Variants in MBD1 observed in about 807,000 individuals in gnomAD.
The protein encoded by MBD1 is methyl-CpG-binding domain protein 1.
A neutral mutation model predicts 82.6 loss-of-function variants in MBD1; 25 were observed. The observed-to-expected ratio is 0.30, with a 90% CI of 0.22 to 0.42. The LOEUF (loss-of-function observed/expected upper bound fraction) is 0.42. MBD1 is among the 10% of genes least tolerant of loss of function. The pLI, the probability that MBD1 is intolerant of heterozygous loss-of-function variation, is 1.00. For missense variants in MBD1, 627 were observed against 819.6 expected, an observed-to-expected ratio of 0.76 and a Z score of 2.87; for synonymous variants, 301 against 303.7, an observed-to-expected ratio of 0.99 and a Z score of 0.09.
At chr18:50,274,867 A>C in intron 10 of MBD1, 110 bp downstream of exon 10, 1 of 1,122,678 alleles carries the variant, frequency 8.9e-7, no homozygotes, top group Non-Finnish European at 1.3e-6. Flanking sequence ...CCTAGGACCC[A>C]TTATTGTGCC....
chr18:50,269,354 C>T lies in MBD1; in HGVS notation c.*497G>A. ...TTTGTAATGTGTCACCTTGGTGAGG[C>T]TATGTTTCCCGGAACTCTCTTCCAG... On this transcript the variant is annotated 3_prime_UTR_variant, in exon 17 of 17. Coordinates refer to ENST00000269468, the MANE Select transcript of MBD1 (RefSeq NM_015846.4). The T allele has an allele frequency of 7.5e-7, 1 of 1,325,958 alleles. No homozygotes were observed. The highest frequency in any genetic ancestry group is 9.8e-7 in the Non-Finnish European group (1 of 1,025,326). The allele number at this position is 1,325,958 out of a possible 1,614,324, so 82.1% of individuals were successfully genotyped here.
At chr18:50,270,613 G>A (rs542327560) in intron 16 of MBD1, 1 of 333,160 alleles carries the variant, frequency 3.0e-6, no homozygotes, top group Admixed American at 3.8e-5. Flanking sequence ...AGCAGCCAGT[G>A]GGGAGATATA....
chr18:50,281,622 C>G, upstream of MBD1: 1 of 443,232 alleles, frequency 2.3e-6, no homozygotes, highest in South Asian at 5.9e-5. Flanking sequence ...GGGAGGCTCC[C>G]GCGCCTACGG....
chr18:50,281,487 G>A lies in MBD1; in HGVS notation c.-150C>T, dbSNP rs1599629492. ...CTCCTCCGCGGCCGCCTCCTCTGAA[G>A]CGGTAGCTGTCGCCTCCGCGGCTGT... is the stretch of plus-strand genomic sequence containing the variant. On this transcript the variant is annotated 5_prime_UTR_variant, in exon 1 of 17. Transcript: ENST00000269468. The A allele has an allele frequency of 6.8e-6, 4 of 585,284 alleles. No individual in the cohort carries two copies. The highest frequency in any genetic ancestry group is 1.9e-5 in the African/African-American group (1 of 53,436). 36.3% of individuals were successfully genotyped at this position (585,284 alleles called of 1,614,324 possible).
At chr18:50,267,776 A>G (rs1487528489), downstream of MBD1, 8 of 719,394 alleles carry the variant, frequency 1.1e-5, no homozygotes, top group Admixed American at 6.1e-5. Flanking sequence ...CTGACATATA[A>G]TAAGTACAAC....
At chr18:50,277,716 C>T (rs1448548375) in intron 2 of MBD1, among the ~76,000 whole-genome samples, 1 of 152,040 alleles carries the variant, frequency 6.6e-6, no homozygotes, top group Non-Finnish European at 1.5e-5. Context: ...CAACGATTGT[C>T]CTTTTTGATA....
Position 50,277,277 on chromosome 18 carries a change from G to A in MBD1, c.111-73C>T, listed in dbSNP as rs73434055. On this transcript the variant is annotated intron_variant, in intron 2 of 16. Transcript: ENST00000269468. ...TTTCACTCATACAACCTTTTGACAG[G>A]GCTGGCAGGATATAGGAGGCAGCCT... is the stretch of plus-strand genomic sequence containing the variant. 1.8e-3 allele frequency: 2,186 copies of A among 1,244,266 alleles called. 32 individuals carry two copies. In the African/African-American group the frequency reaches 0.029, roughly 17 times the overall value. 77.1% of individuals were successfully genotyped at this position (1,244,266 alleles called of 1,614,324 possible).
chr18:50,276,002 G>A (rs1296872163), intron 6 of MBD1, 21 bp from the exon 7 acceptor site: 8 of 1,606,894 alleles, frequency 5.0e-6, no homozygotes, highest in Middle Eastern at 4.2e-4. Flanking sequence ...TGGTAGGGAC[G>A]AGATCACGGG....
chr18:50,269,978 C>A, intron 16 of MBD1, 160 bp from the exon 17 acceptor site: 1 of 1,579,688 alleles, frequency 6.3e-7, no homozygotes, highest in Non-Finnish European at 8.6e-7. Flanking sequence ...TGTACCCTAA[C>A]ATAAATGGTC....
chr18:50,274,796 A>C (rs538519609), intron 10 of MBD1, among the ~76,000 whole-genome samples, 181 bp downstream of exon 10: 1 of 152,220 alleles, frequency 6.6e-6, no homozygotes, highest in Non-Finnish European at 1.5e-5. Context: ...TATATGTGAC[A>C]TGAAGCACTC....
At chr18:50,274,658 A>G (rs2037017792) in intron 10 of MBD1, among the ~76,000 whole-genome samples, 1 of 152,140 alleles carries the variant, frequency 6.6e-6, no homozygotes, top group South Asian at 2.1e-4. Context: ...CCCCATTTCC[A>G]GCAACATTTT....
At chr18:50,280,134 C>T (rs1287759744) in intron 1 of MBD1, 117 bp from the exon 2 acceptor site, 1 of 899,600 alleles carries the variant, frequency 1.1e-6, no homozygotes, top group African/African-American at 1.7e-5. Context: ...TAGGACCTGC[C>T]ACAGGCAACC....
Position 50,277,003 on chromosome 18 carries a change from AAAGT to A in MBD1, c.226-9_226-6del. On this transcript the variant is annotated splice_polypyrimidine_tract_variant and splice_region_variant and intron_variant, in intron 3 of 16. Transcript: ENST00000269468. Reference sequence around the variant, plus strand: ...GGCAACCGCCACGGGATGGGCCTGGAAAGTAAGGGAAGGAGGAATATGGGTCAGT... The same window carrying A: ...GGCAACCGCCACGGGATGGGCCTGGAAAGGGAAGGAGGAATATGGGTCAGT... 6.2e-7 allele frequency: 1 copy of A among 1,614,176 alleles called. No homozygotes were observed. Among genetic ancestry groups the A allele is most frequent in the Non-Finnish European group, 8.5e-7 (1 of 1,180,032 alleles).
rs1200895687 is a variant in MBD1 at position 50,273,768 on chromosome 18, C to A, written c.1242G>T (p.Arg414=). ...GCTTCAAGGTAGGGCCAAGATGGTG[C>A]CGTCGGGCAGAGCTGGGCCTCTTTC... The part of the protein sequence containing the change: ...RRRKRPSSAR[R]HHLGPTLKPT... The change falls in exon 12 of 17, where the codon CGG becomes CGT. Residue 414 remains arginine, a synonymous_variant. Transcript: ENST00000269468. 1 of 1,614,092 alleles carries A rather than the reference C, an allele frequency of 6.2e-7. No individual in the cohort carries two copies. The highest frequency in any genetic ancestry group is 8.5e-7 in the Non-Finnish European group (1 of 1,180,030).
At chr18:50,272,137 G>T (rs996992489) in intron 15 of MBD1, among the ~76,000 whole-genome samples, 4 of 152,128 alleles carry the variant, frequency 2.6e-5, no homozygotes, top group African/African-American at 9.7e-5. Context: ...GCTCCAGGAA[G>T]TGCAGGGCAA....
intron 15 of MBD1, 69 bp from the exon 16 acceptor site, chr18:50,271,609 C>A: frequency 6.6e-7 from 1 of 1,517,518 alleles, no homozygotes. Context: ...CATTACAAAA[C>A]CATTTCCTAC....
downstream of MBD1, chr18:50,267,303 G>C: frequency 2.5e-6 from 1 of 400,208 alleles, no homozygotes; most frequent in Non-Finnish European, 4.6e-6. Flanking sequence ...CTAAGGCAAA[G>C]CTCAGGGAGC....
At position 50,273,427 on chromosome 18, in the gene MBD1, C is replaced by T; in HGVS notation, c.1491G>A (p.Gln497=). ...GGGTATCCGCCTTCTCTTGCTTCAC[C>T]TGGGGTAAGGCCACAACCCAACTCA... The part of the protein sequence containing the change: ...SGLSWVVALP[Q]VKQEKADTQD... Residue 497 remains glutamine, a synonymous_variant, in exon 13 of 17, where the codon CAG becomes CAA. Transcript: ENST00000269468. 6.2e-7 allele frequency: 1 copy of T among 1,614,210 alleles called. No individual in the cohort carries two copies. Among genetic ancestry groups the T allele is most frequent in the Non-Finnish European group, 8.5e-7 (1 of 1,180,044 alleles).
At chr18:50,276,347 G>C (rs1383882270) in intron 6 of MBD1, 31 bp downstream of exon 6, 1 of 1,606,908 alleles carries the variant, frequency 6.2e-7, no homozygotes, top group Non-Finnish European at 8.5e-7. Flanking sequence ...TCCCACTGCA[G>C]AGTTGTGAAG....
Sources: allele counts gnomAD v4.1 joint callset (sites outside exome capture counted in the v4.1 genomes callset), GRCh38; gene constraint gnomAD v4.1.1; transcripts MANE v1.5; gene names NCBI Gene and HGNC (gene_info 2026-07-23, HGNC 2026-07-21).